LY75: variants seen among roughly 807,000 people sequenced by gnomAD.
LY75 encodes lymphocyte antigen 75, also known as C-type lectin domain family 13 member B.
Under a neutral mutation model 231.7 loss-of-function variants are expected in LY75, and 185 were observed. The observed-to-expected ratio is 0.80, with a 90% CI of 0.71 to 0.90. The LOEUF is 0.90. Ranked by LOEUF, LY75 falls within the 40% of genes least tolerant of loss-of-function variation. The probability of loss-of-function intolerance (pLI) is 0.00; values close to 1 mark genes in which losing one functional copy is unlikely to be tolerated. For synonymous variants in LY75, 668 were observed against 689.0 expected, an observed-to-expected ratio of 0.97 and a Z score of 0.48; for missense variants, 1,947 against 2,050.2, an observed-to-expected ratio of 0.95 and a Z score of 0.97.
intron 4 of LY75, among the ~76,000 whole-genome samples, chr2:159,889,184 T>C (rs1685678702): frequency 1.3e-5 from 2 of 152,162 alleles, no homozygotes; most frequent in South Asian, 4.1e-4. Context: ...TAGAAAAGCA[T>C]ATCATTTTCA....
At chr2:159,872,346 A>T (rs1685039796) in intron 13 of LY75, 105 bp downstream of exon 13, 1 of 1,438,630 alleles carries the variant, frequency 7.0e-7, no homozygotes, top group Non-Finnish European at 9.3e-7. Context: ...ATAATAAAAC[A>T]TGTCCATTTT....
intron 34 of LY75, 106 bp downstream of exon 34, chr2:159,806,867 A>G: frequency 2.2e-6 from 3 of 1,356,654 alleles, no homozygotes; most frequent in Non-Finnish European, 3.0e-6. Flanking sequence ...TACTTTAAGG[A>G]CTAAATACTT....
chr2:159,899,418 T>G (rs1320310297), intron 1 of LY75, among the ~76,000 whole-genome samples: 1 of 152,188 alleles, frequency 6.6e-6, no homozygotes, highest in Non-Finnish European at 1.5e-5. Flanking sequence ...GTATATTTGT[T>G]GTTGCTATTT....
In LY75 at chr2:159,842,286, C is replaced by A. The variant is rs574473478; in HGVS notation, c.3239G>T (p.Cys1080Phe). Residue 1080 changes from cysteine (C) to phenylalanine (F), a missense_variant, in exon 24 of 35, where the codon TGC (cysteine) becomes TTC (phenylalanine). Coordinates refer to ENST00000263636, the MANE Select transcript of LY75 (RefSeq NM_002349.4). ...PFTGTWNFTS[C>F]SERHFVSLCQ... ...GAGAGACACAAAGTGGCGTTCACTG[C>A]AGGATGTAAAATTCCACGTCCCAGT... is the stretch of plus-strand genomic sequence containing the variant. The A allele has an allele frequency of 5.0e-6, 8 of 1,612,432 alleles. No individual in the cohort carries two copies. The East Asian group carries it at 1.6e-4, about 32-fold the overall frequency.
At chr2:159,844,948 G>A (rs1238786158) in intron 23 of LY75, among the ~76,000 whole-genome samples, 2 of 152,022 alleles carry the variant, frequency 1.3e-5, no homozygotes, top group Non-Finnish European at 2.9e-5. Flanking sequence ...TGTGCTCAGT[G>A]TTTAACCTCC....
At chr2:159,825,693 G>A (rs1012958314) in intron 28 of LY75, among the ~76,000 whole-genome samples, 33 of 152,080 alleles carry the variant, frequency 2.2e-4, no homozygotes, top group Non-Finnish European at 4.0e-4. Context: ...GATGAACATC[G>A]ATGCAAAAAT....
chr2:159,846,425 G>C (rs1684205146), intron 23 of LY75, among the ~76,000 whole-genome samples: 1 of 152,082 alleles, frequency 6.6e-6, no homozygotes, highest in African/African-American at 2.4e-5. Flanking sequence ...TACTTGGAAG[G>C]CTCAGGCAGG....
chr2:159,814,537 C>T (rs1245643437), intron 31 of LY75, among the ~76,000 whole-genome samples: 1 of 151,498 alleles, frequency 6.6e-6, no homozygotes, highest in African/African-American at 2.4e-5. Flanking sequence ...TGTATGTGGT[C>T]CCAGCTACTC....
chr2:159,828,150 A>G (rs1683536495), intron 28 of LY75, among the ~76,000 whole-genome samples: 1 of 151,784 alleles, frequency 6.6e-6, no homozygotes, highest in South Asian at 2.1e-4. Context: ...TGGCATAAGT[A>G]AAGTCATGGG....
rs535864017 is a variant in LY75 at position 159,815,824 on chromosome 2, T to C, written c.4381-251A>G. 9.5e-4 allele frequency among the ~76,000 whole-genome samples: 145 copies of C among 152,314 alleles called. 1 individual carries two copies. Among genetic ancestry groups the C allele is most frequent in the South Asian group, 1.2e-3 (6 of 4,828 alleles). Reference sequence around the variant, plus strand: ...AGAGTTACTACACCTGGTCTTCAGATTTTTTTGAAGGATGAGTTTATGTGA... The same window carrying C: ...AGAGTTACTACACCTGGTCTTCAGACTTTTTTGAAGGATGAGTTTATGTGA... On this transcript the variant is annotated intron_variant, in intron 30 of 34. Coordinates refer to ENST00000263636, the MANE Select transcript of LY75 (RefSeq NM_002349.4).
At chr2:159,842,974 C>T (rs1302715268) in intron 23 of LY75, among the ~76,000 whole-genome samples, 4 of 151,260 alleles carry the variant, frequency 2.6e-5, no homozygotes, top group African/African-American at 9.7e-5. Context: ...AAATGCTACT[C>T]AATAAATAGT....
intron 18 of LY75, 123 bp downstream of exon 18, chr2:159,854,237 A>G: frequency 1.5e-6 from 1 of 653,320 alleles, no homozygotes; most frequent in Non-Finnish European, 2.2e-6. Context: ...GGATGCTGTG[A>G]GGCAGATTTT....
rs759686787 is a variant in LY75 at position 159,878,013 on chromosome 2, G to A, written c.1774+311C>T. Reference sequence around the variant, plus strand: ...GATGAAAATGTAAAGAGCCTCACACGGGAGCTTCTAGATTCTATTTGAGAT... The same window carrying A: ...GATGAAAATGTAAAGAGCCTCACACAGGAGCTTCTAGATTCTATTTGAGAT... On this transcript the variant is annotated intron_variant, in intron 11 of 34. Coordinates refer to ENST00000263636, the MANE Select transcript of LY75 (RefSeq NM_002349.4). Among the ~76,000 whole-genome samples, 11 of 152,164 alleles carry A rather than the reference G, an allele frequency of 7.2e-5. 1 individual carries two copies. The highest frequency in any genetic ancestry group is 1.3e-4 in the Non-Finnish European group (9 of 68,030).
chr2:159,862,801 T>C (rs1483894370), intron 14 of LY75, among the ~76,000 whole-genome samples: 2 of 152,188 alleles, frequency 1.3e-5, no homozygotes, highest in East Asian at 1.9e-4. Context: ...CACACAGTTA[T>C]TTCTGTGGTG....
At chr2:159,901,430 A>G (rs936289623) in intron 1 of LY75, among the ~76,000 whole-genome samples, 4 of 152,184 alleles carry the variant, frequency 2.6e-5, no homozygotes, top group Non-Finnish European at 2.9e-5. Context: ...CTTGTTGGAA[A>G]CAGCCCCTCT....
chr2:159,850,203 T>A, intron 22 of LY75, 63 bp from the exon 23 acceptor site: 2 of 1,531,172 alleles, frequency 1.3e-6, no homozygotes, highest in Non-Finnish European at 1.8e-6. Flanking sequence ...ATTAAAAATG[T>A]CAATGAATAT....
chr2:159,853,284 G>C lies in LY75; in HGVS notation c.2732C>G (p.Thr911Ser). The C allele has an allele frequency of 1.2e-6, 2 of 1,612,522 alleles. No homozygotes were observed. The highest frequency in any genetic ancestry group is 1.7e-5 in the Admixed American group (1 of 59,992). ...GEECLYMSAK[T>S]WLIDLGKPTD... Reference sequence around the variant, plus strand: ...AGAATTAACTTTACCGATAAGCCAAGTCTTGGCAGACATGTACAAGCATTC... The same window carrying C: ...AGAATTAACTTTACCGATAAGCCAACTCTTGGCAGACATGTACAAGCATTC... The change falls in exon 20 of 35, where the codon ACT (threonine) becomes AGT (serine). Residue 911 changes from threonine (T) to serine (S), a missense_variant. By Grantham distance (58) the Thr-to-Ser change is moderately conservative. Transcript: ENST00000263636.
At chr2:159,887,252 T>TACACACACACACACAC (rs1574594578) in intron 4 of LY75, among the ~76,000 whole-genome samples, 1 of 53,038 alleles carries the variant, frequency 1.9e-5, no homozygotes, top group Non-Finnish European at 6.0e-5. Flanking sequence ...CACACACACG[T>TACACACACACACACAC]GGTACAGTGG....
intron 31 of LY75, among the ~76,000 whole-genome samples, chr2:159,812,818 A>C (rs1393694174): frequency 6.6e-6 from 1 of 151,798 alleles, no homozygotes; most frequent in Non-Finnish European, 1.5e-5. Flanking sequence ...CAAAACTGAA[A>C]CTCTATACCC....
Sources: gnomAD v4.1 joint callset for allele counts (sites outside exome capture counted in the v4.1 genomes callset) on GRCh38, gnomAD v4.1.1 for gene constraint, MANE v1.5 for transcripts, NCBI Gene and HGNC (gene_info 2026-07-23, HGNC 2026-07-21) for gene names.